The following VPS53 variants were observed in gnomAD, a reference collection of about 807,000 sequenced individuals.
VPS53 encodes the protein VPS53 subunit of GARP complex.
VPS53 carries 70 observed loss-of-function variants against 107.0 expected under a neutral mutation model. The observed-to-expected ratio is 0.65, with a 90% CI of 0.54 to 0.80. The LOEUF is 0.80. Ranked by LOEUF, VPS53 falls within the 30% of genes least tolerant of loss-of-function variation. The pLI is 0.00. For synonymous variants in VPS53, 409 were observed against 393.3 expected, an observed-to-expected ratio of 1.04 and a Z score of -0.47; for missense variants, 917 against 1,049.4, an observed-to-expected ratio of 0.87 and a Z score of 1.74.
At chr17:600,773 T>C (rs1284509441) in intron 12 of VPS53, 1 of 152,228 alleles carries the variant, frequency 6.6e-6, no homozygotes, top group South Asian at 2.1e-4. Context: ...ACTTAACCTC[T>C]CTGAGCTGCA....
chr17:687,707 TA>T (rs1363621717), intron 4 of VPS53, among the ~76,000 whole-genome samples: 1 of 152,116 alleles, frequency 6.6e-6, no homozygotes, highest in African/African-American at 2.4e-5. Context: ...CACTCCACTC[TA>T]GCCTGGGCAA....
chr17:654,708 G>A (rs943897933), intron 6 of VPS53, among the ~76,000 whole-genome samples: 11 of 139,626 alleles, frequency 7.9e-5, no homozygotes, highest in African/African-American at 2.8e-4. Flanking sequence ...CTGCACTCCA[G>A]CCTGGGCGAC....
intron 18 of VPS53, 98 bp downstream of exon 18, chr17:536,930 C>A: frequency 6.8e-7 from 1 of 1,475,262 alleles, no homozygotes. Flanking sequence ...AATCTCTGTG[C>A]TTGCTGCTTA....
intron 3 of VPS53, among the ~76,000 whole-genome samples, 165 bp downstream of exon 3, chr17:699,166 A>C (rs1266579209): frequency 1.3e-5 from 2 of 152,194 alleles, no homozygotes; most frequent in African/African-American, 4.8e-5. Context: ...AATCCGTCTC[A>C]AAAATAAATA....
At chr17:558,000 C>T (rs1286348193) in intron 15 of VPS53, among the ~76,000 whole-genome samples, 1 of 152,032 alleles carries the variant, frequency 6.6e-6, no homozygotes, top group African/African-American at 2.4e-5. Flanking sequence ...GCTGAGACCA[C>T]AGGCATGTAC....
chr17:583,818 G>T lies in VPS53; in HGVS notation c.1313+2452C>A, dbSNP rs72477039. 2.1e-3 allele frequency among the ~76,000 whole-genome samples: 303 copies of T among 144,404 alleles called. 8 individuals are homozygous for T. In the East Asian group the frequency reaches 0.058, roughly 28 times the overall value. The allele number at this position is 144,404 out of a possible 152,430, so 94.7% of individuals were successfully genotyped here. On this transcript the variant is annotated intron_variant, in intron 13 of 21. Transcript: ENST00000437048. Reference sequence around the variant, plus strand: ...CTCAGGACCTCAATGCATTCCCAGAGAACCTCCTTCAGAACCTCAATGCGT... The same window carrying T: ...CTCAGGACCTCAATGCATTCCCAGATAACCTCCTTCAGAACCTCAATGCGT...
chr17:584,526 GCTTTT>G (rs1281364988), intron 13 of VPS53, among the ~76,000 whole-genome samples: 3 of 152,154 alleles, frequency 2.0e-5, no homozygotes, highest in Non-Finnish European at 2.9e-5. Context: ...TATTTTGTTT[GCTTTT>G]CTTTTCTTTT....
chr17:603,731 A>G (rs1052165094), intron 11 of VPS53, among the ~76,000 whole-genome samples: 1 of 152,132 alleles, frequency 6.6e-6, no homozygotes, highest in African/African-American at 2.4e-5. Context: ...TTTACCTAAC[A>G]TGAGAGAAAA....
chr17:597,237 T>C (rs1290551599), intron 12 of VPS53, among the ~76,000 whole-genome samples: 1 of 152,116 alleles, frequency 6.6e-6, no homozygotes, highest in African/African-American at 2.4e-5. Context: ...ACTGCAGCCA[T>C]GAAATGGGTT....
At position 583,815 on chromosome 17, in the gene VPS53, A is replaced by T. The variant is rs538197141; in HGVS notation, c.1313+2455T>A. 7.5e-5 allele frequency among the ~76,000 whole-genome samples: 11 copies of T among 146,758 alleles called. No homozygotes were observed. In the South Asian group the frequency reaches 2.2e-3, roughly 29 times the overall value. ...TCCCTCAGGACCTCAATGCATTCCC[A>T]GAGAACCTCCTTCAGAACCTCAATG... On this transcript the variant is annotated intron_variant, in intron 13 of 21. Transcript: ENST00000437048.
intron 3 of VPS53, among the ~76,000 whole-genome samples, chr17:699,062 G>T (rs1973097523): frequency 6.6e-6 from 1 of 152,076 alleles, no homozygotes; most frequent in Non-Finnish European, 1.5e-5. Context: ...AGCTACTAGG[G>T]AGGCTAAGGC....
chr17:586,232 G>T (rs769232818), intron 13 of VPS53, 38 bp downstream of exon 13: 1 of 1,595,758 alleles, frequency 6.3e-7, no homozygotes, highest in East Asian at 2.2e-5. Context: ...AGAGCGGCGA[G>T]AAATGCAGGC....
At chr17:664,557 G>A (rs1223563582) in intron 4 of VPS53, among the ~76,000 whole-genome samples, 1 of 152,204 alleles carries the variant, frequency 6.6e-6, no homozygotes, top group African/African-American at 2.4e-5. Flanking sequence ...AGGCCTCAAA[G>A]CATAAGGATT....
At chr17:548,302 C>G (rs1246560861) in intron 17 of VPS53, among the ~76,000 whole-genome samples, 2 of 152,250 alleles carry the variant, frequency 1.3e-5, no homozygotes, top group East Asian at 1.9e-4. Flanking sequence ...CTCAATCCCT[C>G]TTGTCAAGGA....
rs1488545742 is a variant in VPS53, at chr17:515,979, T to A, written c.*3149A>T. On this transcript the variant is annotated 3_prime_UTR_variant, in exon 22 of 22. Transcript: ENST00000437048. ...TGCTTTTTTTTTTTTTTTTTTTGTA[T>A]TTTTAGTAGAGATGGGATTTTGCCA... 1 of 147,808 alleles carries A rather than the reference T, an allele frequency of 6.8e-6. No individual in the cohort carries two copies. The highest frequency in any genetic ancestry group is 1.5e-5 in the Non-Finnish European group (1 of 66,946). 9.2% of individuals were successfully genotyped at this position (147,808 alleles called of 1,614,324 possible). A position where few individuals can be genotyped will look rare whatever the true frequency, so the allele number is the denominator to read the frequency against.
chr17:533,361 GGGCTC>G (rs1391006711), intron 18 of VPS53, among the ~76,000 whole-genome samples: 1 of 152,084 alleles, frequency 6.6e-6, no homozygotes, highest in African/African-American at 2.4e-5. Context: ...CTCCTCCCTT[GGGCTC>G]CGGAAGTGCT....
intron 2 of VPS53, among the ~76,000 whole-genome samples, chr17:701,017 CAGCTTG>C (rs1042497167): frequency 6.6e-6 from 1 of 152,078 alleles, no homozygotes; most frequent in Non-Finnish European, 1.5e-5. Flanking sequence ...AATCCAAGAA[CAGCTTG>C]AGGTAAAAAT....
chr17:564,701 A>G (rs758813690), intron 13 of VPS53, among the ~76,000 whole-genome samples: 6 of 151,640 alleles, frequency 4.0e-5, no homozygotes, highest in Non-Finnish European at 7.4e-5. Flanking sequence ...TGGGCAACAG[A>G]GCAAGACTTG....
chr17:540,239 AG>A (rs1910520830), intron 17 of VPS53: 2 of 152,056 alleles, frequency 1.3e-5, no homozygotes, highest in African/African-American at 4.8e-5. Context: ...GCTGGAGTGC[AG>A]TGGTACAATC....
Sources: gnomAD v4.1 joint callset for allele counts (sites outside exome capture counted in the v4.1 genomes callset) on GRCh38, gnomAD v4.1.1 for gene constraint, MANE v1.5 for transcripts, NCBI Gene and HGNC (gene_info 2026-07-23, HGNC 2026-07-21) for gene names.